The following ERO1A variants were observed in gnomAD, a reference collection of about 807,000 sequenced individuals.
ERO1A encodes ERO1-like protein alpha.
In ERO1A, 49 loss-of-function variants were observed where a neutral mutation model predicts 76.9. That is an observed-to-expected ratio of 0.64 (90% CI 0.51 to 0.81). The LOEUF (loss-of-function observed/expected upper bound fraction) is 0.81. Ranked by LOEUF, ERO1A falls within the 30% of genes least tolerant of loss-of-function variation. The probability of loss-of-function intolerance (pLI) is 0.00; values close to 1 mark genes in which losing one functional copy is unlikely to be tolerated. For missense variants in ERO1A, 448 were observed against 542.1 expected (o/e 0.83, Z 1.72); for synonymous variants, 174 against 181.2 (o/e 0.96, Z 0.32).
intron 15 of ERO1A, among the ~76,000 whole-genome samples, chr14:52,645,774 C>G (rs1346008878): frequency 6.6e-6 from 1 of 151,696 alleles, no homozygotes; most frequent in Non-Finnish European, 1.5e-5. Flanking sequence ...GAGGTGGAGC[C>G]TGGCAGATCA....
At chr14:52,656,642 G>A (rs2139660817) in intron 11 of ERO1A, among the ~76,000 whole-genome samples, 1 of 150,322 alleles carries the variant, frequency 6.7e-6, no homozygotes, top group Non-Finnish European at 1.5e-5. Flanking sequence ...AACCCAGGAG[G>A]CAGAGGTCAC....
At chr14:52,680,448 C>T (rs929512791) in intron 3 of ERO1A, among the ~76,000 whole-genome samples, 45 of 152,218 alleles carry the variant, frequency 3.0e-4, no homozygotes, top group Middle Eastern at 3.4e-3. Context: ...TACACTTCAT[C>T]AATAATAATC....
chr14:52,683,950 T>G (rs1483864978), intron 1 of ERO1A, 43 bp from the exon 2 acceptor site: 1 of 1,490,594 alleles, frequency 6.7e-7, no homozygotes, highest in East Asian at 2.4e-5. Context: ...ATGTCCTAAA[T>G]GCAACAGGGT....
intron 6 of ERO1A, 75 bp from the exon 7 acceptor site, chr14:52,666,570 C>T: frequency 7.7e-7 from 1 of 1,293,478 alleles, no homozygotes; most frequent in African/African-American, 1.5e-5. Flanking sequence ...AGACTGTATT[C>T]CATTGATTCT....
chr14:52,694,220 C>G (rs1392285590), intron 1 of ERO1A, among the ~76,000 whole-genome samples: 1 of 151,328 alleles, frequency 6.6e-6, no homozygotes, highest in African/African-American at 2.4e-5. Context: ...GAAAAATGAC[C>G]CTTTTCCTTT....
chr14:52,695,056 A>T (rs2041503179), intron 1 of ERO1A, among the ~76,000 whole-genome samples: 1 of 152,202 alleles, frequency 6.6e-6, no homozygotes, highest in Non-Finnish European at 1.5e-5. Context: ...CTGGCAGGGC[A>T]TTATACACTG....
chr14:52,651,397 T>TA (rs1271667815), intron 13 of ERO1A, among the ~76,000 whole-genome samples: 1 of 152,220 alleles, frequency 6.6e-6, no homozygotes, highest in Non-Finnish European at 1.5e-5. Context: ...CAGCAAAAGA[T>TA]AGACTAATAC....
intron 13 of ERO1A, among the ~76,000 whole-genome samples, chr14:52,648,939 G>A (rs1017848315): frequency 2.6e-5 from 4 of 152,040 alleles, no homozygotes; most frequent in Non-Finnish European, 5.9e-5. Context: ...AAATTAATAG[G>A]CTAGAAATTT....
rs1229559682 is a variant in ERO1A at position 52,642,788 on chromosome 14, T to G, written c.*782A>C. The G allele has an allele frequency of 1.3e-5, 2 of 152,572 alleles. No homozygotes were observed. Among genetic ancestry groups the G allele is most frequent in the Admixed American group, 6.5e-5 (1 of 15,276 alleles). The allele number at this position is 152,572 out of a possible 1,614,324, so 9.5% of individuals were successfully genotyped here. On this transcript the variant is annotated 3_prime_UTR_variant, in exon 16 of 16. Coordinates refer to ENST00000395686, the MANE Select transcript of ERO1A (RefSeq NM_014584.3). Reference sequence around the variant, plus strand: ...ATAAAAAGTGTTCCCCAAATTTTATTTAGTATTAGTGAAAGTATTATGAGA... The same window carrying G: ...ATAAAAAGTGTTCCCCAAATTTTATGTAGTATTAGTGAAAGTATTATGAGA...
At chr14:52,672,982 T>C (rs1357224736) in intron 4 of ERO1A, among the ~76,000 whole-genome samples, 1 of 152,162 alleles carries the variant, frequency 6.6e-6, no homozygotes, top group Non-Finnish European at 1.5e-5. Context: ...ATACAATTTC[T>C]GAATCATATT....
chr14:52,668,269 G>A (rs2040477754), intron 6 of ERO1A, among the ~76,000 whole-genome samples: 1 of 152,146 alleles, frequency 6.6e-6, no homozygotes, highest in South Asian at 2.1e-4. Flanking sequence ...CAGCAGGCCA[G>A]GCATGGTGGC....
At chr14:52,666,862 C>T (rs779720108) in intron 6 of ERO1A, among the ~76,000 whole-genome samples, 10 of 151,964 alleles carry the variant, frequency 6.6e-5, no homozygotes, top group Non-Finnish European at 1.3e-4. Context: ...ACCCGGGAGG[C>T]GGAGGTTGCA....
chr14:52,678,547 TTA>T, intron 3 of ERO1A, 75 bp from the exon 4 acceptor site: 1 of 1,316,708 alleles, frequency 7.6e-7, no homozygotes, highest in Non-Finnish European at 1.1e-6. Flanking sequence ...TTTCTGTGAT[TTA>T]TGAGAAAAAT....
chr14:52,680,294 T>G (rs1188666226), intron 3 of ERO1A, among the ~76,000 whole-genome samples: 1 of 152,154 alleles, frequency 6.6e-6, no homozygotes, highest in Non-Finnish European at 1.5e-5. Context: ...TAAAATTGGT[T>G]GTTTTCTCTT....
At chr14:52,688,485 C>T (rs1439369937) in intron 1 of ERO1A, among the ~76,000 whole-genome samples, 1 of 152,084 alleles carries the variant, frequency 6.6e-6, no homozygotes, top group Non-Finnish European at 1.5e-5. Flanking sequence ...GAGTTGATAC[C>T]AAGATAAATA....
At chr14:52,662,841 T>C (rs1276842204) in intron 8 of ERO1A, among the ~76,000 whole-genome samples, 1 of 152,170 alleles carries the variant, frequency 6.6e-6, no homozygotes, top group African/African-American at 2.4e-5. Flanking sequence ...TCAGGCTCTA[T>C]ATAGAGAGAT....
Position 52,671,616 on chromosome 14 carries a change from CA to C in ERO1A, c.508+13del. On this transcript the variant is annotated intron_variant, in intron 6 of 15. Coordinates refer to ENST00000395686, the MANE Select transcript of ERO1A (RefSeq NM_014584.3). ...TAATTTTAAACACAATGCATACTAT[CA>C]AAAATATTATACCATCAGCTTCACA... 1.3e-6 allele frequency: 2 copies of C among 1,577,252 alleles called. No homozygotes were observed. Among genetic ancestry groups the C allele is most frequent in the Non-Finnish European group, 1.7e-6 (2 of 1,155,368 alleles).
chr14:52,683,209 A>C (rs925923474), intron 2 of ERO1A, among the ~76,000 whole-genome samples: 12 of 145,200 alleles, frequency 8.3e-5, no homozygotes, highest in African/African-American at 3.0e-4. Context: ...ATTCTGTCTC[A>C]AAAAAAAAAA....
At chr14:52,661,576 G>GA (rs1266761365) in intron 8 of ERO1A, among the ~76,000 whole-genome samples, 1 of 152,134 alleles carries the variant, frequency 6.6e-6, no homozygotes, top group Non-Finnish European at 1.5e-5. Flanking sequence ...TGACAGGAGA[G>GA]AAAAAACTAA....
Sources: gnomAD v4.1 joint callset for allele counts (sites outside exome capture counted in the v4.1 genomes callset) on GRCh38, gnomAD v4.1.1 for gene constraint, MANE v1.5 for transcripts, NCBI Gene and HGNC (gene_info 2026-07-23, HGNC 2026-07-21) for gene names.